The following GFAP variants were observed in gnomAD, a reference collection of about 807,000 sequenced individuals.
GFAP encodes the protein intermediate filament protein.
GFAP carries 38 observed loss-of-function variants against 49.3 expected under a neutral mutation model. The observed-to-expected ratio is 0.77, with a 90% CI of 0.60 to 1.01. The LOEUF (loss-of-function observed/expected upper bound fraction) is 1.01, where lower values mean the gene tolerates loss of function less well. GFAP is among the 50% of genes least tolerant of loss of function. The pLI is 0.00. For missense variants in GFAP, 463 were observed against 579.1 expected, an observed-to-expected ratio of 0.80 and a Z score of 2.06; for synonymous variants, 222 against 236.4, an observed-to-expected ratio of 0.94 and a Z score of 0.56.
rs953961258 is a variant in GFAP, at chr17:44,903,378, C to T, written c.*3969G>A. ...ATCAGCTCAGGTCCAGCCAGCCTCC[C>T]GGATGGCCAGATATGCAGGAGGGTG... On this transcript the variant is annotated 3_prime_UTR_variant, in exon 9 of 9. Coordinates refer to ENST00000588735, the MANE Select transcript of GFAP (RefSeq NM_002055.5). 25 of 1,248,364 alleles carry T rather than the reference C, an allele frequency of 2.0e-5. No individual in the cohort carries two copies. The highest frequency in any genetic ancestry group is 1.5e-4 in the East Asian group (5 of 32,598). The allele number at this position is 1,248,364 out of a possible 1,614,324, so 77.3% of individuals were successfully genotyped here. A position where few individuals can be genotyped will look rare whatever the true frequency, so the allele number is the denominator to read the frequency against.
chr17:44,911,023 G>A, intron 6 of GFAP: 1 of 631,392 alleles, frequency 1.6e-6, no homozygotes, highest in Non-Finnish European at 2.8e-6. Flanking sequence ...TTGGCCTTGA[G>A]GCCTAATCAA....
chr17:44,910,143 C>T lies in GFAP; in HGVS notation c.1171+472G>A, dbSNP rs748860341. ...TGTCTGAGAGGCAGGCAGCTAACCG[C>T]GAGCCGGCGGCGTTCCATTTACAAT... On this transcript the variant is annotated intron_variant, in intron 7 of 8. Transcript: ENST00000588735. The T allele has an allele frequency of 3.1e-6, 5 of 1,613,924 alleles. No individual in the cohort carries two copies. The highest frequency in any genetic ancestry group is 1.6e-4 in the Middle Eastern group (1 of 6,062).
intron 6 of GFAP, chr17:44,910,958 T>A: frequency 3.3e-6 from 2 of 603,668 alleles, no homozygotes; most frequent in South Asian, 4.0e-5. Flanking sequence ...AGGAGTCCAA[T>A]CTTGGCTGGG....
chr17:44,914,583 C>T (rs991600889), intron 1 of GFAP: 7 of 225,138 alleles, frequency 3.1e-5, no homozygotes, highest in East Asian at 2.4e-4. Flanking sequence ...CTGTGCTTTG[C>T]GCCCAGACCT....
chr17:44,906,526 A>C lies in GFAP; in HGVS notation c.*821T>G, dbSNP rs1180427093. On this transcript the variant is annotated 3_prime_UTR_variant, in exon 9 of 9. Coordinates refer to ENST00000588735, the MANE Select transcript of GFAP (RefSeq NM_002055.5). ...CAGATCCCCCAAGTGCTGAGAATCA[A>C]GCTCCCACCTGCCCACAGCGTGCCC... 1 of 152,504 alleles carries C rather than the reference A, an allele frequency of 6.6e-6. No homozygotes were observed. Among genetic ancestry groups the C allele is most frequent in the Non-Finnish European group, 1.5e-5 (1 of 68,306 alleles). 9.4% of individuals were successfully genotyped at this position (152,504 alleles called of 1,614,324 possible).
intron 4 of GFAP, among the ~76,000 whole-genome samples, chr17:44,912,147 G>A (rs1450231443): frequency 6.6e-6 from 1 of 151,842 alleles, no homozygotes; most frequent in Non-Finnish European, 1.5e-5. Flanking sequence ...TTTTGAGACA[G>A]AGTCTTGCTC....
At position 44,904,399 on chromosome 17, in the gene GFAP, C is replaced by T. The variant is rs185720633; in HGVS notation, c.*2948G>A. ...GAGTGCGTGGGGAGCAGTGGCGCATCGGCCTCTGCTACCTGCAGAGCCCAG... is the reference window on the plus strand; with the variant it reads ...GAGTGCGTGGGGAGCAGTGGCGCATTGGCCTCTGCTACCTGCAGAGCCCAG... On this transcript the variant is annotated 3_prime_UTR_variant, in exon 9 of 9. Coordinates refer to ENST00000588735, the MANE Select transcript of GFAP (RefSeq NM_002055.5). The T allele has an allele frequency of 7.9e-5, 122 of 1,542,044 alleles. No homozygotes were observed. In the East Asian group the frequency reaches 1.0e-3, roughly 13 times the overall value.
At chr17:44,909,263 A>T (rs1478271976) in intron 7 of GFAP, 1 of 149,702 alleles carries the variant, frequency 6.7e-6, no homozygotes, top group Non-Finnish European at 1.5e-5. Flanking sequence ...TCTGTAAAAT[A>T]AGGATGATGG....
chr17:44,903,738 G>C lies in GFAP; in HGVS notation c.*3609C>G. The C allele has an allele frequency of 6.9e-7, 1 of 1,455,252 alleles. No individual in the cohort carries two copies. The highest frequency in any genetic ancestry group is 9.0e-7 in the Non-Finnish European group (1 of 1,106,826). The allele number at this position is 1,455,252 out of a possible 1,614,324, so 90.1% of individuals were successfully genotyped here. A position where few individuals can be genotyped will look rare whatever the true frequency, so the allele number is the denominator to read the frequency against. On this transcript the variant is annotated 3_prime_UTR_variant, in exon 9 of 9. Coordinates refer to ENST00000588735, the MANE Select transcript of GFAP (RefSeq NM_002055.5). ...GGCTGCATAATCCTTTCCTCATCTA[G>C]AGGCTTCCGCTTAGCAGAGCTTTCT...
rs267607510 is a variant in GFAP, at chr17:44,915,278, C to T, written c.209G>A (p.Arg70Gln). 4.3e-6 allele frequency: 7 copies of T among 1,614,180 alleles called. No individual in the cohort carries two copies. The highest frequency in any genetic ancestry group is 1.3e-5 in the African/African-American group (1 of 75,066). The change falls in exon 1 of 9, where the codon CGG becomes CAG. Residue 70 changes from arginine to glutamine, a missense_variant. By Grantham distance (43) the Arg-to-Gln change is conservative. Coordinates refer to ENST00000588735, the MANE Select transcript of GFAP (RefSeq NM_002055.5). The surrounding 1 kb of genome is among the most constrained non-coding windows in gnomAD (Gnocchi z 4.1). ...AGFKETRASE[R>Q]AEMMELNDRF... ...GTCATTGAGCTCCATCATCTCTGCC[C>T]GCTCACTGGCCCGGGTCTCCTTGAA...
chr17:44,908,397 C>T (rs2051688109), intron 7 of GFAP: 1 of 439,382 alleles, frequency 2.3e-6, no homozygotes, highest in Non-Finnish European at 4.1e-6. Flanking sequence ...AAGCCCTGGC[C>T]TGGCACCTGG....
rs1485983789 is a variant in GFAP, at chr17:44,903,278, A to G, written c.*4069T>C. On this transcript the variant is annotated 3_prime_UTR_variant, in exon 9 of 9. Coordinates refer to ENST00000588735, the MANE Select transcript of GFAP (RefSeq NM_002055.5). ...TGTAATCAACAAATGATCAAATACT[A>G]CATCATTTGAGGTGTTGAATTTTCC... 8.0e-7 allele frequency: 1 copy of G among 1,248,096 alleles called. No homozygotes were observed. Among genetic ancestry groups the G allele is most frequent in the Middle Eastern group, 3.1e-4 (1 of 3,236 alleles). 77.3% of individuals were successfully genotyped at this position (1,248,096 alleles called of 1,614,324 possible).
chr17:44,911,781 T>C lies in GFAP; in HGVS notation c.797A>G (p.Asp266Gly). 2.5e-6 allele frequency: 4 copies of C among 1,613,492 alleles called. No homozygotes were observed. The highest frequency in any genetic ancestry group is 3.4e-6 in the Non-Finnish European group (4 of 1,179,896). ...CAGCTCCGCGTTGCGGGCAGCAGCGTCTGTCAGGTCTGCAAACTAGGTGGG... is the reference window on the plus strand; with the variant it reads ...CAGCTCCGCGTTGCGGGCAGCAGCGCCTGTCAGGTCTGCAAACTAGGTGGG... ...WYRSKFADLT[D>G]AAARNAELLR... The change falls in exon 5 of 9, where the codon GAC becomes GGC. Residue 266 changes from aspartate to glycine, a missense_variant. Around this residue, in one of 3 missense-constraint regions of GFAP, gnomAD observed 362 missense variants for 445.5 expected, o/e 0.81. Transcript: ENST00000588735.
intron 7 of GFAP, chr17:44,910,316 C>A (rs2051731256): frequency 6.2e-7 from 1 of 1,613,632 alleles, no homozygotes; most frequent in South Asian, 1.1e-5. Context: ...AAGGGCAGTG[C>A]TTGCTCAGGG....
Position 44,915,433 on chromosome 17 carries a change from C to A in GFAP, c.54G>T (p.Gly18=), listed in dbSNP as rs753811655. The A allele has an allele frequency of 6.2e-7, 1 of 1,610,162 alleles. No individual in the cohort carries two copies. Among genetic ancestry groups the A allele is most frequent in the African/African-American group, 1.3e-5 (1 of 74,894 alleles). The change falls in exon 1 of 9, where the codon GGG becomes GGT. Residue 18 remains glycine, a synonymous_variant. Coordinates refer to ENST00000588735, the MANE Select transcript of GFAP (RefSeq NM_002055.5). This position sits in a 1 kb window ranked among gnomAD's most constrained non-coding sequence, Gnocchi z 4.1. ...GAGCCAGGCCCCCCACCATCATCTC[C>A]CCTGAGGAGACGTAGGAGCGGCGAG... ...SAARRSYVSS[G]EMMVGGLAPG... is the part of the protein sequence containing the mutation.
rs1422377308 is a variant in GFAP at position 44,914,105 on chromosome 17, C to G, written c.462-17G>C. On this transcript the variant is annotated splice_polypyrimidine_tract_variant and intron_variant, in intron 1 of 8. Coordinates refer to ENST00000588735, the MANE Select transcript of GFAP (RefSeq NM_002055.5). ...TCCTGGAGCCTGGAGTGGGGGGACA[C>G]ATTCCTGGGTCCAGGCTCTTCTGAG... The G allele has an allele frequency of 1.3e-6, 2 of 1,545,064 alleles. No individual in the cohort carries two copies. The highest frequency in any genetic ancestry group is 1.8e-6 in the Non-Finnish European group (2 of 1,140,756).
intron 4 of GFAP, 127 bp from the exon 5 acceptor site, chr17:44,911,924 C>T: frequency 9.5e-7 from 1 of 1,051,030 alleles, no homozygotes; most frequent in South Asian, 1.4e-5. Flanking sequence ...CTTTTCCCAA[C>T]AACTGTGACC....
rs1426073240 is a variant in GFAP at position 44,910,266 on chromosome 17, G to A, written c.1171+349C>T. The A allele has an allele frequency of 1.9e-6, 3 of 1,613,894 alleles. No homozygotes were observed. The South Asian group carries it at 3.3e-5, about 18-fold the overall frequency. ...GTCTTTGGTGCTTTTGCCCCCTGTA[G>A]TGACAAGCAGTTAAAAAAACAAAAA... On this transcript the variant is annotated intron_variant, in intron 7 of 8. Coordinates refer to ENST00000588735, the MANE Select transcript of GFAP (RefSeq NM_002055.5).
Position 44,904,234 on chromosome 17 carries a change from C to T in GFAP, c.*3113G>A, listed in dbSNP as rs1015141212. 1.9e-6 allele frequency: 3 copies of T among 1,550,450 alleles called. No individual in the cohort carries two copies. The highest frequency in any genetic ancestry group is 1.4e-5 in the African/African-American group (1 of 73,054). On this transcript the variant is annotated 3_prime_UTR_variant, in exon 9 of 9. Transcript: ENST00000588735. ...CCCGCAAGGGGGACTACTTTTACGC[C>T]TACGATGTGGACATCCAGAACAGTG...
Sources: allele counts gnomAD v4.1 joint callset (sites outside exome capture counted in the v4.1 genomes callset), GRCh38; gene constraint gnomAD v4.1.1; regional missense constraint gnomAD v4.1.1; non-coding constraint Gnocchi (gnomAD v3.1); transcripts MANE v1.5; gene names NCBI Gene and HGNC (gene_info 2026-07-23, HGNC 2026-07-21).